NPAS3: variants seen among roughly 807,000 people sequenced by gnomAD.
The protein encoded by NPAS3 is neuronal PAS domain-containing protein 3.
In NPAS3, 14 loss-of-function variants were observed where a neutral mutation model predicts 73.1. The ratio of observed to expected loss-of-function variants is 0.19; its 90% CI spans 0.13 to 0.30. The LOEUF is 0.30. NPAS3 is among the 10% of genes least tolerant of loss of function. The pLI is 1.00. For synonymous variants in NPAS3, 620 were observed against 541.5 expected, an observed-to-expected ratio of 1.14 and a Z score of -2.01; for missense variants, 1,096 against 1,250.0, an observed-to-expected ratio of 0.88 and a Z score of 1.86.
intron 3 of NPAS3, among the ~76,000 whole-genome samples, chr14:33,282,281 G>T (rs2041659459): frequency 1.3e-5 from 2 of 152,180 alleles, no homozygotes; most frequent in Non-Finnish European, 2.9e-5. Context: ...TTGAGATGCT[G>T]GTGTAGTAAT....
At chr14:33,569,715 G>A (rs1445635004) in intron 5 of NPAS3, among the ~76,000 whole-genome samples, 1 of 152,102 alleles carries the variant, frequency 6.6e-6, no homozygotes, top group Non-Finnish European at 1.5e-5. Flanking sequence ...TTATTCTATA[G>A]CCTTGACCTT....
At chr14:33,328,139 C>A (rs1204929104) in intron 3 of NPAS3, among the ~76,000 whole-genome samples, 1 of 151,904 alleles carries the variant, frequency 6.6e-6, no homozygotes, top group Non-Finnish European at 1.5e-5. Context: ...TGGAAAAAAA[C>A]TTATTTTTTA....
chr14:33,066,882 C>T (rs1365693656), intron 2 of NPAS3, among the ~76,000 whole-genome samples: 1 of 152,142 alleles, frequency 6.6e-6, no homozygotes, highest in African/African-American at 2.4e-5. Flanking sequence ...GCATAGACTG[C>T]ATAGGCTGCA....
At position 33,066,372 on chromosome 14, in the gene NPAS3, C is replaced by T. The variant is rs1338537217; in HGVS notation, c.140+10378C>T. On this transcript the variant is annotated intron_variant, in intron 2 of 11. Transcript: ENST00000356141. The stretch of plus-strand genomic sequence containing the variant: ...TCATCTGATAGCAAGATTGTTTACC[C>T]TCTGTTCTGAATGCTGCTTGCCCAG... Among the ~76,000 whole-genome samples the T allele has an allele frequency of 2.6e-5, 4 of 152,286 alleles. No homozygotes were observed. The East Asian group carries it at 5.8e-4, about 22-fold the overall frequency.
intron 2 of NPAS3, among the ~76,000 whole-genome samples, chr14:33,176,666 T>C (rs975036555): frequency 1.3e-5 from 2 of 152,222 alleles, no homozygotes; most frequent in Non-Finnish European, 1.5e-5. Context: ...TTTTGAATAA[T>C]ACTGCATGAA....
At chr14:33,672,374 AAG>A (rs1363992261) in intron 5 of NPAS3, among the ~76,000 whole-genome samples, 1 of 152,212 alleles carries the variant, frequency 6.6e-6, no homozygotes, top group Non-Finnish European at 1.5e-5. Flanking sequence ...GTACAAGTAA[AAG>A]AAATTTTTTT....
chr14:33,586,936 A>T (rs181136191), intron 5 of NPAS3, among the ~76,000 whole-genome samples: 3 of 152,332 alleles, frequency 2.0e-5, no homozygotes, highest in Admixed American at 1.3e-4. Context: ...ACTGAGATGC[A>T]GTAAAAGACA....
chr14:33,785,016 C>T (rs192043314), intron 9 of NPAS3, among the ~76,000 whole-genome samples: 2,065 of 151,942 alleles, frequency 0.014, 45 homozygotes, highest in African/African-American at 0.045. Flanking sequence ...TCCCAACGGG[C>T]TGGGATTACA....
At position 33,800,392 on chromosome 14, in the gene NPAS3, G is replaced by GGGC. The variant is rs760720626; in HGVS notation, c.2094_2096dup (p.Gly706dup). ...GCTCTGAGCACTTCCCGTCCCCGCA[G>GGGC]GGCGGCGGCGGTGGGGGTGGCGGTG... On this transcript the variant is annotated inframe_insertion, in exon 12 of 12. Transcript: ENST00000356141. The surrounding 1 kb of genome is among the most constrained non-coding windows in gnomAD (Gnocchi z 6.5). 8.1e-6 allele frequency: 13 copies of GGGC among 1,605,462 alleles called. No individual in the cohort carries two copies. The highest frequency in any genetic ancestry group is 5.4e-5 in the African/African-American group (4 of 73,816).
intron 6 of NPAS3, among the ~76,000 whole-genome samples, chr14:33,680,354 G>A (rs1357134336): frequency 6.6e-6 from 1 of 152,094 alleles, no homozygotes; most frequent in African/African-American, 2.4e-5. Flanking sequence ...CCTTCTTCCT[G>A]AATTCAGGGA....
At chr14:33,351,017 C>A (rs868042964) in intron 3 of NPAS3, among the ~76,000 whole-genome samples, 5 of 152,152 alleles carry the variant, frequency 3.3e-5, no homozygotes, top group Non-Finnish European at 5.9e-5. Flanking sequence ...ATTCATGAAC[C>A]TTATTCCCCC....
At chr14:33,163,602 C>T (rs560035290) in intron 2 of NPAS3, among the ~76,000 whole-genome samples, 2 of 146,808 alleles carry the variant, frequency 1.4e-5, no homozygotes, top group South Asian at 4.3e-4. Context: ...CTTAAGAATA[C>T]TTAAGCAGAA....
At chr14:33,432,583 G>A (rs993514948) in intron 4 of NPAS3, among the ~76,000 whole-genome samples, 1 of 152,068 alleles carries the variant, frequency 6.6e-6, no homozygotes, top group African/African-American at 2.4e-5. Context: ...CATTTCTCAT[G>A]TTCTGTTTCA....
In NPAS3 at chr14:32,948,763, C is replaced by T. The variant is rs376516449; in HGVS notation, c.50+9397C>T. Among the ~76,000 whole-genome samples the T allele has an allele frequency of 9.2e-5, 14 of 152,206 alleles. No homozygotes were observed. The East Asian group carries it at 2.3e-3, about 25-fold the overall frequency. On this transcript the variant is annotated intron_variant, in intron 1 of 11. Coordinates refer to ENST00000356141, the Ensembl canonical transcript of NPAS3. ...TTTTAATATAGTTCTGTAGTCACCA[C>T]TCTCCTACCAGCCCCTCTCCATTCC... is the stretch of plus-strand genomic sequence containing the variant.
intron 2 of NPAS3, among the ~76,000 whole-genome samples, chr14:33,166,611 C>A (rs2045163495): frequency 6.6e-6 from 1 of 152,094 alleles, no homozygotes; most frequent in Admixed American, 6.5e-5. Flanking sequence ...ATAATTTGCC[C>A]TTTTATCTGA....
At chr14:33,199,201 G>T (rs1057012496) in intron 2 of NPAS3, among the ~76,000 whole-genome samples, 1 of 152,192 alleles carries the variant, frequency 6.6e-6, no homozygotes, top group African/African-American at 2.4e-5. Flanking sequence ...GTGCAGATGC[G>T]GGCTGAAGGG....
upstream of NPAS3, among the ~76,000 whole-genome samples, chr14:32,938,857 C>T (rs933266481): frequency 2.1e-5 from 3 of 146,238 alleles, no homozygotes; most frequent in Non-Finnish European, 4.6e-5. Flanking sequence ...CCGCCTCCCC[C>T]TCCTCCTCCT....
At position 33,384,414 on chromosome 14, in the gene NPAS3, G is replaced by GT. The variant is rs200211528; in HGVS notation, c.468+17153dup. On this transcript the variant is annotated intron_variant, in intron 4 of 11. Coordinates refer to ENST00000356141, the Ensembl canonical transcript of NPAS3. ...GTGTGTGTGTTTTTAATGTTTCTGTGTTTTTTTAAAAAAAAAAAACAAATA... is the reference window on the plus strand; with the variant it reads ...GTGTGTGTGTTTTTAATGTTTCTGTGTTTTTTTTAAAAAAAAAAAACAAATA... 4.6e-4 allele frequency among the ~76,000 whole-genome samples: 68 copies of GT among 148,532 alleles called. 2 individuals carry two copies. In the Middle Eastern group the frequency reaches 0.017, roughly 38 times the overall value.
intron 3 of NPAS3, among the ~76,000 whole-genome samples, chr14:33,340,691 C>T (rs1043523035): frequency 6.6e-6 from 1 of 152,160 alleles, no homozygotes; most frequent in African/African-American, 2.4e-5. Context: ...AAAACACAGC[C>T]TTCCCCGATC....
Sources: allele counts gnomAD v4.1 joint callset (sites outside exome capture counted in the v4.1 genomes callset), GRCh38; gene constraint gnomAD v4.1.1; non-coding constraint Gnocchi (gnomAD v3.1); transcripts MANE v1.5; gene names NCBI Gene and HGNC (gene_info 2026-07-23, HGNC 2026-07-21).